Variants in PCDH17 observed in about 807,000 individuals in gnomAD.
The protein encoded by PCDH17 is protocadherin-17.
PCDH17 carries 21 observed loss-of-function variants against 67.7 expected under a neutral mutation model. The ratio of observed to expected loss-of-function variants is 0.31; its 90% CI spans 0.22 to 0.45. PCDH17 has a LOEUF of 0.45. Among genes scored for constraint, PCDH17 ranks in the 20% least tolerant of loss-of-function variants. The pLI is 1.00. For missense variants in PCDH17, 1,471 were observed against 1,564.8 expected, an observed-to-expected ratio of 0.94 and a Z score of 1.01; for synonymous variants, 701 against 656.7, an observed-to-expected ratio of 1.07 and a Z score of -1.03.
At position 57,668,022 on chromosome 13, in the gene PCDH17, G is replaced by C. The variant is rs138981069; in HGVS notation, c.2797+1189G>C. 3.5e-3 allele frequency among the ~76,000 whole-genome samples: 525 copies of C among 151,462 alleles called. 2 individuals are homozygous for C. The highest frequency in any genetic ancestry group is 0.012 in the African/African-American group (493 of 41,408). ...GCTGTTTTCTAAGTAGTAATTGCTA[G>C]ACCGATGACTTTTTTCACGATCTTT... On this transcript the variant is annotated intron_variant, in intron 3 of 3. Transcript: ENST00000377918.
At chr13:57,652,972 A>T (rs1955059803) in intron 1 of PCDH17, among the ~76,000 whole-genome samples, 1 of 152,136 alleles carries the variant, frequency 6.6e-6, no homozygotes, top group Admixed American at 6.6e-5. Flanking sequence ...TAAACATTAA[A>T]ATCTATGCTG....
In PCDH17 at chr13:57,634,303, C is replaced by G; in HGVS notation, c.1757C>G (p.Pro586Arg). 6.2e-7 allele frequency: 1 copy of G among 1,613,050 alleles called. No homozygotes were observed. Among genetic ancestry groups the G allele is most frequent in the Non-Finnish European group, 8.5e-7 (1 of 1,180,014 alleles). ...GACAACGCGCCAGTGATCGTGCTCC[C>G]CACGCTGCAGAACGACACCGCGGAG... ...VNDNAPVIVL[P>R]TLQNDTAELQ... The change falls in exon 1 of 4, where the codon CCC (proline) becomes CGC (arginine). Residue 586 changes from proline to arginine, a missense_variant. Pro to Arg is a moderately radical substitution (Grantham distance 103). Around this residue, in one of 3 missense-constraint regions of PCDH17, gnomAD observed 1,163 missense variants for 1,230.0 expected, o/e 0.95. Transcript: ENST00000377918. The surrounding 1 kb of genome is among the most constrained non-coding windows in gnomAD (Gnocchi z 7.8).
chr13:57,652,777 C>A (rs2138002933), intron 1 of PCDH17, among the ~76,000 whole-genome samples: 2 of 152,218 alleles, frequency 1.3e-5, no homozygotes, highest in Middle Eastern at 6.8e-3. Context: ...TCATCTGGTT[C>A]AAAGTTTAGA....
chr13:57,669,842 T>C (rs1566229236), intron 3 of PCDH17, among the ~76,000 whole-genome samples: 1 of 152,032 alleles, frequency 6.6e-6, no homozygotes, highest in Non-Finnish European at 1.5e-5. Flanking sequence ...GCTATGAGAA[T>C]ATATTGAATA....
chr13:57,679,779 G>A (rs961271429), intron 3 of PCDH17, among the ~76,000 whole-genome samples: 1 of 151,370 alleles, frequency 6.6e-6, no homozygotes, highest in Non-Finnish European at 1.5e-5. Flanking sequence ...AGTATTTAAT[G>A]GGAGATGGCA....
At chr13:57,637,150 T>A (rs1443018393) in intron 1 of PCDH17, among the ~76,000 whole-genome samples, 1 of 152,082 alleles carries the variant, frequency 6.6e-6, no homozygotes, top group Non-Finnish European at 1.5e-5. Context: ...GAGAAAACTT[T>A]TTTTAACATT....
In PCDH17 at chr13:57,638,650, T is replaced by TA. The variant is rs1462226839; in HGVS notation, c.2565+3540dup. 3.3e-5 allele frequency among the ~76,000 whole-genome samples: 5 copies of TA among 152,176 alleles called. No individual in the cohort carries two copies. The South Asian group carries it at 1.0e-3, about 32-fold the overall frequency. ...TGCTAGGAAGATAAAATCCTTTTGATAGATGTACATGGCCTTTTCAATAAC... is the reference window on the plus strand; with the variant it reads ...TGCTAGGAAGATAAAATCCTTTTGATAAGATGTACATGGCCTTTTCAATAAC... On this transcript the variant is annotated intron_variant, in intron 1 of 3. Transcript: ENST00000377918.
chr13:57,630,551 G>A (rs1954704769), upstream of PCDH17, among the ~76,000 whole-genome samples: 1 of 151,966 alleles, frequency 6.6e-6, no homozygotes, highest in African/African-American at 2.4e-5. Context: ...GCCTAACCAA[G>A]AGGAAAGGTT....
At chr13:57,646,040 G>A (rs1219453583) in intron 1 of PCDH17, among the ~76,000 whole-genome samples, 2 of 150,814 alleles carry the variant, frequency 1.3e-5, no homozygotes, top group Non-Finnish European at 3.0e-5. Context: ...AGTTATTTTG[G>A]GATTACATTT....
At chr13:57,662,235 T>A (rs186599381) in intron 1 of PCDH17, among the ~76,000 whole-genome samples, 5 of 152,288 alleles carry the variant, frequency 3.3e-5, no homozygotes, top group Non-Finnish European at 7.4e-5. Context: ...AAAAATTGTT[T>A]TGGCTATTAT....
rs1414375032 is a variant in PCDH17 at position 57,651,361 on chromosome 13, T to G, written c.2566-15107T>G. The stretch of plus-strand genomic sequence containing the variant: ...AGATAGGTGGTTTAATTGAGGTTTT[T>G]TTTTTTTTTTTTTTTTTTGAGACCG... On this transcript the variant is annotated intron_variant, in intron 1 of 3. Coordinates refer to ENST00000377918, the MANE Select transcript of PCDH17 (RefSeq NM_001040429.3). 6.1e-5 allele frequency among the ~76,000 whole-genome samples: 9 copies of G among 146,982 alleles called. No homozygotes were observed. The East Asian group carries it at 1.8e-3, about 29-fold the overall frequency.
intron 1 of PCDH17, among the ~76,000 whole-genome samples, chr13:57,662,428 T>A (rs1340479011): frequency 6.6e-6 from 1 of 152,206 alleles, no homozygotes; most frequent in African/African-American, 2.4e-5. Flanking sequence ...TTCATTTTTT[T>A]ATAATGTTCA....
rs951542624 is a variant in PCDH17 at position 57,701,927 on chromosome 13, G to GT, written c.2798-22676dup. On this transcript the variant is annotated intron_variant, in intron 3 of 3. Coordinates refer to ENST00000377918, the MANE Select transcript of PCDH17 (RefSeq NM_001040429.3). ...AACAGCAACAACAATAACTGTACGG[G>GT]TTTTTTTTTGGATGGAGTCTTGCTC... Among the ~76,000 whole-genome samples, 96 of 150,856 alleles carry GT rather than the reference G, an allele frequency of 6.4e-4. 1 individual carries two copies. Among genetic ancestry groups the GT allele is most frequent in the African/African-American group, 1.7e-3 (69 of 41,184 alleles).
intron 3 of PCDH17, among the ~76,000 whole-genome samples, chr13:57,713,562 G>A (rs1393446024): frequency 6.6e-6 from 1 of 151,540 alleles, no homozygotes; most frequent in African/African-American, 2.4e-5. Flanking sequence ...TATTGTTTGA[G>A]TAAGATCAAG....
At position 57,632,623 on chromosome 13, in the gene PCDH17, C is replaced by A. The variant is rs1028264363; in HGVS notation, c.77C>A (p.Pro26Gln). ...CTCAAGAACCTCAACTACTCCGTGC[C>A]GGAGGAGCAAGGGGCCGGCACGGTG... is the stretch of plus-strand genomic sequence containing the variant. ...LTLKNLNYSV[P>Q]EEQGAGTVIG... Residue 26 changes from proline (P) to glutamine (Q), a missense_variant, in exon 1 of 4, where the codon CCG (proline) becomes CAG (glutamine). Transcript: ENST00000377918. The A allele has an allele frequency of 1.2e-6, 2 of 1,613,586 alleles. No homozygotes were observed. The highest frequency in any genetic ancestry group is 1.7e-6 in the Non-Finnish European group (2 of 1,179,972).
At chr13:57,670,582 T>A (rs1030108863) in intron 3 of PCDH17, among the ~76,000 whole-genome samples, 13 of 150,000 alleles carry the variant, frequency 8.7e-5, no homozygotes, top group East Asian at 5.9e-4. Context: ...ATATATATAT[T>A]TTTTCCAATT....
chr13:57,632,240 G>C lies in PCDH17; in HGVS notation c.-307G>C. The C allele has an allele frequency of 2.3e-6, 1 of 431,844 alleles. No homozygotes were observed. The highest frequency in any genetic ancestry group is 4.2e-6 in the Non-Finnish European group (1 of 240,852). 26.8% of individuals were successfully genotyped at this position (431,844 alleles called of 1,614,324 possible). A position where few individuals can be genotyped will look rare whatever the true frequency, so the allele number is the denominator to read the frequency against. On this transcript the variant is annotated 5_prime_UTR_variant, in exon 1 of 4. Transcript: ENST00000377918. ...AGTTTGAGCCTCCCGAAGTCCGGGC[G>C]GGAGAGACGAAACCCCTGGCTCACC... is the stretch of plus-strand genomic sequence containing the variant.
chr13:57,675,582 A>G (rs1014449405), intron 3 of PCDH17, among the ~76,000 whole-genome samples: 1 of 151,902 alleles, frequency 6.6e-6, no homozygotes, highest in African/African-American at 2.4e-5. Context: ...ATTTGAGCAG[A>G]CCCTTCTGCA....
chr13:57,702,315 T>C (rs1955674483), intron 3 of PCDH17, among the ~76,000 whole-genome samples: 1 of 152,084 alleles, frequency 6.6e-6, no homozygotes, highest in African/African-American at 2.4e-5. Context: ...AATTATATTG[T>C]ACTTTTCTTG....
Sources: gnomAD v4.1 joint callset for allele counts (sites outside exome capture counted in the v4.1 genomes callset) on GRCh38, gnomAD v4.1.1 for gene constraint, gnomAD v4.1.1 regional missense constraint, Gnocchi (gnomAD v3.1) non-coding constraint, MANE v1.5 for transcripts, NCBI Gene and HGNC (gene_info 2026-07-23, HGNC 2026-07-21) for gene names.